The following RPS6KA5 variants were observed in gnomAD, a reference collection of about 807,000 sequenced individuals.
RPS6KA5 encodes the protein ribosomal protein S6 kinase A5, also known as ribosomal protein S6 kinase alpha-5.
In RPS6KA5, 27 loss-of-function variants were observed where a neutral mutation model predicts 85.5. The observed-to-expected ratio is 0.32, with a 90% CI of 0.23 to 0.44. RPS6KA5 has a LOEUF of 0.44. Among genes scored for constraint, RPS6KA5 ranks in the 20% least tolerant of loss-of-function variants. The pLI, the probability that RPS6KA5 is intolerant of heterozygous loss-of-function variation, is 1.00. For missense variants in RPS6KA5, 811 were observed against 980.9 expected (o/e 0.83, Z 2.31); for synonymous variants, 334 against 348.2 (o/e 0.96, Z 0.46).
chr14:90,984,458 T>A (rs907904118), intron 2 of RPS6KA5, among the ~76,000 whole-genome samples: 6 of 152,266 alleles, frequency 3.9e-5, no homozygotes, highest in Non-Finnish European at 7.3e-5. Flanking sequence ...TATACATTTC[T>A]ATAGGTTGGA....
chr14:90,923,263 T>G, intron 5 of RPS6KA5, 67 bp from the exon 6 acceptor site: 1 of 1,243,798 alleles, frequency 8.0e-7, no homozygotes, highest in Non-Finnish European at 1.2e-6. Flanking sequence ...AAGAAGAAAG[T>G]AATACATGTT....
At chr14:90,968,265 T>C (rs1206997983) in intron 3 of RPS6KA5, among the ~76,000 whole-genome samples, 2 of 152,118 alleles carry the variant, frequency 1.3e-5, no homozygotes, top group African/African-American at 4.8e-5. Context: ...ACCTTCTCTG[T>C]AGACACATCT....
chr14:90,900,141 T>C lies in RPS6KA5; in HGVS notation c.1346A>G (p.Asn449Ser), dbSNP rs760763362. 1.9e-6 allele frequency: 3 copies of C among 1,604,372 alleles called. No individual in the cohort carries two copies. Among genetic ancestry groups the C allele is most frequent in the Admixed American group, 1.7e-5 (1 of 59,524 alleles). Residue 449 changes from asparagine to serine, a missense_variant, in exon 11 of 17, where the codon AAC (asparagine) becomes AGC (serine). Asn to Ser is a conservative substitution (Grantham distance 46, BLOSUM62 1). Around this residue, in one of 3 missense-constraint regions of RPS6KA5, gnomAD observed 650 missense variants for 793.4 expected, o/e 0.82. Transcript: ENST00000614987. Reference protein sequence around the residue: ...ICRKCVHKKSNQAFAVKIISK... With the variant: ...ICRKCVHKKSSQAFAVKIISK... Reference sequence around the variant, plus strand: ...GATTATTTTGACTGCAAAAGCTTGGTTACTTTTTTTATGCACACACTTTCG... The same window carrying C: ...GATTATTTTGACTGCAAAAGCTTGGCTACTTTTTTTATGCACACACTTTCG...
At chr14:90,943,360 C>T (rs575009357) in intron 4 of RPS6KA5, among the ~76,000 whole-genome samples, 175 bp from the exon 5 acceptor site, 13 of 151,854 alleles carry the variant, frequency 8.6e-5, no homozygotes, top group African/African-American at 1.5e-4. Flanking sequence ...TTATCTGCTG[C>T]GTTCTCTGGA....
At chr14:91,019,571 C>A (rs1054704456) in intron 1 of RPS6KA5, among the ~76,000 whole-genome samples, 1 of 152,146 alleles carries the variant, frequency 6.6e-6, no homozygotes, top group African/African-American at 2.4e-5. Flanking sequence ...GGAGCCAATT[C>A]CTTATAATAA....
At chr14:90,923,309 T>C (rs1381459127) in intron 5 of RPS6KA5, 113 bp from the exon 6 acceptor site, 3 of 782,100 alleles carry the variant, frequency 3.8e-6, no homozygotes, top group Non-Finnish European at 6.5e-6. Context: ...AAAGTAGTGG[T>C]AGAATCTACT....
chr14:90,927,760 G>A (rs1027246423), intron 5 of RPS6KA5, among the ~76,000 whole-genome samples: 3 of 151,948 alleles, frequency 2.0e-5, no homozygotes, highest in Non-Finnish European at 4.4e-5. Flanking sequence ...CAATCATCAT[G>A]GGTATTTTAA....
At chr14:90,875,390 G>T in intron 14 of RPS6KA5, 30 bp from the exon 15 acceptor site, 2 of 1,598,256 alleles carry the variant, frequency 1.3e-6, no homozygotes, top group South Asian at 1.1e-5. Context: ...AAAACAGAAT[G>T]ACTACCCAGA....
At position 90,849,106 on chromosome 14, in the gene RPS6KA5, G is replaced by A. The variant is rs1266197576; in HGVS notation, c.*22968C>T. On this transcript the variant is annotated 3_prime_UTR_variant, in exon 17 of 17. Coordinates refer to ENST00000614987, the MANE Select transcript of RPS6KA5 (RefSeq NM_004755.4). ...AAATAGAAGCGTTCACCCCACAGAT[G>A]AGAAAAGGGGACTCAGTCGTAACCA... 3 of 152,190 alleles carry A rather than the reference G, an allele frequency of 2.0e-5. No homozygotes were observed. Among genetic ancestry groups the A allele is most frequent in the Non-Finnish European group, 4.4e-5 (3 of 68,044 alleles). The allele number at this position is 152,190 out of a possible 1,614,324, so 9.4% of individuals were successfully genotyped here.
chr14:91,023,294 C>G (rs917114871), intron 1 of RPS6KA5, among the ~76,000 whole-genome samples: 5 of 143,778 alleles, frequency 3.5e-5, no homozygotes, highest in Non-Finnish European at 7.7e-5. Context: ...CAAATTTTTT[C>G]TTTTTTTTTT....
intron 2 of RPS6KA5, among the ~76,000 whole-genome samples, chr14:90,995,985 T>C (rs577979639): frequency 1.3e-5 from 2 of 152,032 alleles, no homozygotes; most frequent in Non-Finnish European, 2.9e-5. Context: ...ACTCACGAGG[T>C]GGAAGTGAAA....
intron 1 of RPS6KA5, among the ~76,000 whole-genome samples, chr14:91,050,240 G>C (rs978192652): frequency 6.6e-6 from 1 of 151,968 alleles, no homozygotes; most frequent in African/African-American, 2.4e-5. Flanking sequence ...AATTAGCCAG[G>C]CATGGTGGTA....
rs775322823 is a variant in RPS6KA5, at chr14:90,957,745, C to T, written c.395-10195G>A. Among the ~76,000 whole-genome samples, 33 of 152,198 alleles carry T rather than the reference C, an allele frequency of 2.2e-4. 1 individual carries two copies. Among genetic ancestry groups the T allele is most frequent in the Admixed American group, 7.8e-4 (12 of 15,288 alleles). On this transcript the variant is annotated intron_variant, in intron 3 of 16. Coordinates refer to ENST00000614987, the MANE Select transcript of RPS6KA5 (RefSeq NM_004755.4). ...AGGACCCTTCTTAGTTGTCCACATA[C>T]GACAGAGTTAAGCTTGTTGCTCTAA...
chr14:90,992,710 T>G (rs2040362576), intron 2 of RPS6KA5, among the ~76,000 whole-genome samples: 1 of 152,246 alleles, frequency 6.6e-6, no homozygotes, highest in Admixed American at 6.5e-5. Flanking sequence ...ATGCCTTGAA[T>G]GTGTGGCAGA....
chr14:90,988,794 C>G (rs934039537), intron 2 of RPS6KA5, among the ~76,000 whole-genome samples: 1 of 152,012 alleles, frequency 6.6e-6, no homozygotes. Context: ...GTCTGTGCAA[C>G]AGAGCAAGAC....
At chr14:90,979,377 T>C (rs570796285) in intron 2 of RPS6KA5, among the ~76,000 whole-genome samples, 21 of 152,372 alleles carry the variant, frequency 1.4e-4, no homozygotes, top group African/African-American at 4.8e-4. Context: ...ACTTCATCCC[T>C]ACAAGGTGTC....
chr14:90,936,016 TTC>T (rs1181373468), intron 5 of RPS6KA5, among the ~76,000 whole-genome samples: 1 of 152,182 alleles, frequency 6.6e-6, no homozygotes, highest in East Asian at 1.9e-4. Context: ...AACTACCAGA[TTC>T]TCTGACTTGA....
rs1196295135 is a variant in RPS6KA5 at position 90,863,728 on chromosome 14, GAC to G, written c.*8344_*8345del. On this transcript the variant is annotated 3_prime_UTR_variant, in exon 17 of 17. Coordinates refer to ENST00000614987, the MANE Select transcript of RPS6KA5 (RefSeq NM_004755.4). ...ATGTAAATCTATAAAACACTGGTGA[GAC>G]AAATTAAATACCTAAGTAAATAGAG... 3 of 152,116 alleles carry G rather than the reference GAC, an allele frequency of 2.0e-5. No homozygotes were observed. The highest frequency in any genetic ancestry group is 7.2e-5 in the African/African-American group (3 of 41,412). 9.4% of individuals were successfully genotyped at this position (152,116 alleles called of 1,614,324 possible). A position where few individuals can be genotyped will look rare whatever the true frequency, so the allele number is the denominator to read the frequency against.
intron 3 of RPS6KA5, among the ~76,000 whole-genome samples, chr14:90,951,638 T>G (rs2038195922): frequency 6.6e-6 from 1 of 152,160 alleles, no homozygotes; most frequent in South Asian, 2.1e-4. Context: ...AAAGGGCTAT[T>G]CAAAAAACAA....
Sources: allele counts gnomAD v4.1 joint callset (sites outside exome capture counted in the v4.1 genomes callset), GRCh38; gene constraint gnomAD v4.1.1; regional missense constraint gnomAD v4.1.1; transcripts MANE v1.5; gene names NCBI Gene and HGNC (gene_info 2026-07-23, HGNC 2026-07-21).